Variants in KIF26B observed in about 807,000 individuals in gnomAD.
The protein encoded by KIF26B is kinesin family member 26B.
Under a neutral mutation model 151.2 loss-of-function variants are expected in KIF26B, and 63 were observed. That is an observed-to-expected ratio of 0.42 (90% CI 0.34 to 0.51). The LOEUF (loss-of-function observed/expected upper bound fraction) is 0.51, where lower values mean the gene tolerates loss of function less well. Among genes scored for constraint, KIF26B ranks in the 20% least tolerant of loss-of-function variants. The pLI, the probability that KIF26B is intolerant of heterozygous loss-of-function variation, is 0.07. For synonymous variants in KIF26B, 1,357 were observed against 1,262.1 expected (o/e 1.08, Z -1.59); for missense variants, 2,813 against 2,913.6 (o/e 0.97, Z 0.79).
At chr1:245,336,209 C>T (rs1489598927) in intron 2 of KIF26B, among the ~76,000 whole-genome samples, 1 of 152,268 alleles carries the variant, frequency 6.6e-6, no homozygotes, top group African/African-American at 2.4e-5. Flanking sequence ...TGCTGTTCCA[C>T]TCTGCATAGC....
At chr1:245,453,471 C>T (rs533620694) in intron 4 of KIF26B, among the ~76,000 whole-genome samples, 2 of 152,072 alleles carry the variant, frequency 1.3e-5, no homozygotes, top group African/African-American at 4.8e-5. Context: ...ATTATGTGAC[C>T]AAGAAGAGTG....
chr1:245,418,220 G>A (rs182590129), intron 3 of KIF26B, among the ~76,000 whole-genome samples: 1 of 152,340 alleles, frequency 6.6e-6, no homozygotes, highest in East Asian at 1.9e-4. Context: ...GGAAGCCGGA[G>A]GAGAGGCTCT....
At chr1:245,327,280 C>T (rs1672010127) in intron 2 of KIF26B, among the ~76,000 whole-genome samples, 1 of 152,142 alleles carries the variant, frequency 6.6e-6, no homozygotes, top group Non-Finnish European at 1.5e-5. Context: ...TACTTATGCC[C>T]TATATGAAAT....
In KIF26B at chr1:245,702,653, A is replaced by G. The variant is rs770484297; in HGVS notation, c.*47A>G. ...GTGGTCCCCCGCTCCCCAGGACTTC[A>G]GAGATGTTGCACGCCCCTAGGCCCT... On this transcript the variant is annotated 3_prime_UTR_variant, in exon 15 of 15. Transcript: ENST00000407071. This position sits in a 1 kb window ranked among gnomAD's most constrained non-coding sequence, Gnocchi z 4.1. 6.3e-7 allele frequency: 1 copy of G among 1,592,402 alleles called. No homozygotes were observed.
chr1:245,550,658 C>G (rs750738630), intron 5 of KIF26B, among the ~76,000 whole-genome samples: 1 of 152,226 alleles, frequency 6.6e-6, no homozygotes. Flanking sequence ...GGTGGAGGAG[C>G]TGCTGGGGGC....
chr1:245,510,903 A>G, intron 4 of KIF26B: 1 of 590,134 alleles, frequency 1.7e-6, no homozygotes, highest in South Asian at 2.2e-5. Context: ...TGGAATCACA[A>G]GAATGTTTCA....
Position 245,202,941 on chromosome 1 carries a change from C to CA in KIF26B, c.465+46266dup, listed in dbSNP as rs74163024. On this transcript the variant is annotated intron_variant, in intron 2 of 14. Coordinates refer to ENST00000407071, the MANE Select transcript of KIF26B (RefSeq NM_018012.4). ...GGGTGACTAGAGCAAGACTCTGTCT[C>CA]AAAAAAAACAAAACAAAACAAAAAC... Among the ~76,000 whole-genome samples, 427 of 134,406 alleles carry CA rather than the reference C, an allele frequency of 3.2e-3. 2 individuals are homozygous for CA. Among genetic ancestry groups the CA allele is most frequent in the African/African-American group, 0.011 (401 of 36,264 alleles). 88.2% of individuals were successfully genotyped at this position (134,406 alleles called of 152,430 possible).
chr1:245,229,994 G>C (rs146913389), intron 2 of KIF26B, among the ~76,000 whole-genome samples: 1 of 152,062 alleles, frequency 6.6e-6, no homozygotes, highest in Non-Finnish European at 1.5e-5. Flanking sequence ...TTAGCTGGGC[G>C]TGGCGGCACA....
At chr1:245,365,730 T>C (rs528475650) in intron 2 of KIF26B, among the ~76,000 whole-genome samples, 2 of 152,220 alleles carry the variant, frequency 1.3e-5, no homozygotes, top group South Asian at 4.2e-4. Flanking sequence ...CACACTCTCC[T>C]ATCCCAGTTC....
intron 2 of KIF26B, among the ~76,000 whole-genome samples, chr1:245,271,145 A>T (rs1317440724): frequency 6.6e-6 from 1 of 152,116 alleles, no homozygotes; most frequent in Non-Finnish European, 1.5e-5. Flanking sequence ...TACTGTTTTG[A>T]TTACAGTAGC....
chr1:245,450,008 A>G (rs770467511), intron 4 of KIF26B, among the ~76,000 whole-genome samples: 85 of 152,096 alleles, frequency 5.6e-4, no homozygotes, highest in Non-Finnish European at 1.1e-3. Flanking sequence ...AGGAGAGGAA[A>G]GTGGATCAAT....
At chr1:245,672,146 G>A (rs1025047136) in intron 10 of KIF26B, among the ~76,000 whole-genome samples, 22 of 152,078 alleles carry the variant, frequency 1.4e-4, no homozygotes, top group African/African-American at 4.6e-4. Context: ...GGTGGCATTG[G>A]GCAAGCCCCG....
intron 3 of KIF26B, among the ~76,000 whole-genome samples, chr1:245,383,010 C>T (rs819894): frequency 0.12 from 18,126 of 147,200 alleles, 1,358 homozygotes; most frequent in East Asian, 0.32. Context: ...TATATATATA[C>T]ACACACACAC....
At chr1:245,594,872 G>C (rs190785379) in intron 5 of KIF26B, among the ~76,000 whole-genome samples, 1 of 152,238 alleles carries the variant, frequency 6.6e-6, no homozygotes. Context: ...TCCCCTTGAA[G>C]AGGTCCTTCA....
intron 5 of KIF26B, among the ~76,000 whole-genome samples, chr1:245,571,758 G>C (rs1298957314): frequency 6.6e-6 from 1 of 152,158 alleles, no homozygotes; most frequent in Non-Finnish European, 1.5e-5. Context: ...AGGAACCTTC[G>C]CTATATTTCC....
At chr1:245,336,690 C>G (rs181855241) in intron 2 of KIF26B, among the ~76,000 whole-genome samples, 2 of 152,166 alleles carry the variant, frequency 1.3e-5, no homozygotes, top group African/African-American at 4.8e-5. Flanking sequence ...ACATACCTTC[C>G]GTATCAACAT....
intron 9 of KIF26B, chr1:245,614,776 C>T (rs1005999907): frequency 3.9e-5 from 6 of 152,358 alleles, no homozygotes; most frequent in South Asian, 4.1e-4. Context: ...GGGAATCTCT[C>T]GGGAGATGTA....
Position 245,676,055 on chromosome 1 carries a change from AAATGC to A in KIF26B, c.2259-8174_2259-8170del, listed in dbSNP as rs1402155704. On this transcript the variant is annotated intron_variant, in intron 10 of 14. Coordinates refer to ENST00000407071, the MANE Select transcript of KIF26B (RefSeq NM_018012.4). ...TTACCATGGCAGTGCTTTTATTAGGAAATGCAATAATCTCCCAAATTCTTTCAAGT... is the reference window on the plus strand; with the variant it reads ...TTACCATGGCAGTGCTTTTATTAGGAAATAATCTCCCAAATTCTTTCAAGT... 2.0e-5 allele frequency among the ~76,000 whole-genome samples: 3 copies of A among 152,178 alleles called. No individual in the cohort carries two copies. In the East Asian group the frequency reaches 5.8e-4, roughly 29 times the overall value.
At chr1:245,273,721 C>T (rs1670892181) in intron 2 of KIF26B, among the ~76,000 whole-genome samples, 1 of 152,162 alleles carries the variant, frequency 6.6e-6, no homozygotes, top group Admixed American at 6.5e-5. Flanking sequence ...GACTACCTCT[C>T]TTTACCCTTT....
Sources: gnomAD v4.1 joint callset for allele counts (sites outside exome capture counted in the v4.1 genomes callset) on GRCh38, gnomAD v4.1.1 for gene constraint, Gnocchi (gnomAD v3.1) non-coding constraint, MANE v1.5 for transcripts, NCBI Gene and HGNC (gene_info 2026-07-23, HGNC 2026-07-21) for gene names.